Variants in CAST observed in about 807,000 individuals in gnomAD.
CAST encodes the protein calpastatin.
Under a neutral mutation model 119.6 loss-of-function variants are expected in CAST, and 76 were observed. That is an observed-to-expected ratio of 0.64 (90% CI 0.53 to 0.77). CAST has a LOEUF of 0.77. CAST is among the 30% of genes least tolerant of loss of function. The pLI is 0.00. For synonymous variants in CAST, 319 were observed against 331.6 expected (o/e 0.96, Z 0.41); for missense variants, 953 against 946.5 (o/e 1.01, Z -0.09).
chr5:96,021,738 G>T, the CAST span, among the ~76,000 whole-genome samples: 1 of 152,030 alleles, frequency 6.6e-6, no homozygotes, highest in Non-Finnish European at 1.5e-5. Flanking sequence ...GAGCCACTGC[G>T]CCTGGCTGAT....
Position 96,561,796 on chromosome 5 carries a change from G to GTTTTTTTTTTTTTTT in CAST, c.60+31930_60+31931insTTTTTTTTTTTTTTT, listed in dbSNP as rs11375615. On this transcript the variant is annotated intron_variant, in intron 1 of 11. Coordinates refer to the CAST transcript ENST00000505143. Reference sequence around the variant, plus strand: ...GTGTATTATATATATGTTTTTTTTTGTTTTTTTTTTTTTTGAGACGGAGTC... The same window carrying GTTTTTTTTTTTTTTT: ...GTGTATTATATATATGTTTTTTTTTGTTTTTTTTTTTTTTTTTTTTTTTTTTTTTGAGACGGAGTC... Among the ~76,000 whole-genome samples the GTTTTTTTTTTTTTTT allele has an allele frequency of 5.4e-4, 53 of 97,398 alleles. 6 individuals are homozygous for GTTTTTTTTTTTTTTT. Among genetic ancestry groups the GTTTTTTTTTTTTTTT allele is most frequent in the South Asian group, 2.6e-3 (6 of 2,336 alleles). The allele number at this position is 97,398 out of a possible 152,430, so 63.9% of individuals were successfully genotyped here.
the CAST span, chr5:96,410,824 A>T: frequency 6.2e-7 from 1 of 1,614,006 alleles, no homozygotes; most frequent in South Asian, 1.1e-5. Context: ...GCCAGTGTGG[A>T]GGAGCACTTC....
chr5:96,095,427 G>A, the CAST span, among the ~76,000 whole-genome samples: 24 of 151,608 alleles, frequency 1.6e-4, no homozygotes, highest in Middle Eastern at 3.4e-3. Context: ...AAAACAATTA[G>A]CCAGGTGCCT....
At chr5:96,550,980 T>C (rs1746115560) in intron 1 of CAST, among the ~76,000 whole-genome samples, 1 of 152,176 alleles carries the variant, frequency 6.6e-6, no homozygotes, top group Admixed American at 6.5e-5. Context: ...GGAACCAAGT[T>C]AGAAAACACT....
the CAST span, among the ~76,000 whole-genome samples, chr5:96,257,380 T>G: frequency 6.6e-6 from 1 of 152,208 alleles, no homozygotes; most frequent in African/African-American, 2.4e-5. Flanking sequence ...TTAGCAAGGT[T>G]AAACATCCAT....
At chr5:95,979,166 A>G in the CAST span, among the ~76,000 whole-genome samples, 1 of 152,208 alleles carries the variant, frequency 6.6e-6, no homozygotes, top group Middle Eastern at 3.2e-3. Flanking sequence ...AGAGAAATAG[A>G]AAAAAGAAAA....
the CAST span, among the ~76,000 whole-genome samples, chr5:96,064,580 C>T: frequency 6.6e-6 from 1 of 152,062 alleles, no homozygotes; most frequent in Non-Finnish European, 1.5e-5. Flanking sequence ...TAAACCCTGA[C>T]CATGAGGATA....
chr5:96,125,847 C>T, the CAST span, among the ~76,000 whole-genome samples: 44 of 152,152 alleles, frequency 2.9e-4, no homozygotes, highest in Admixed American at 7.2e-4. Context: ...CTTTCCAAAC[C>T]GGCAGTGGTG....
At chr5:96,069,383 CTA>C in the CAST span, among the ~76,000 whole-genome samples, 3 of 44,754 alleles carry the variant, frequency 6.7e-5, no homozygotes, top group South Asian at 1.7e-3. Flanking sequence ...GTGTGTGTGT[CTA>C]TGTGTGTGTG....
the CAST span, among the ~76,000 whole-genome samples, chr5:96,486,641 TC>T: frequency 1.3e-5 from 2 of 152,194 alleles, no homozygotes; most frequent in South Asian, 4.1e-4. Flanking sequence ...CATCAGCATT[TC>T]TACCAAAGCA....
rs941457738 is a variant in CAST, at chr5:96,761,389, C to T, written c.1834-885C>T. On this transcript the variant is annotated intron_variant, in intron 24 of 31. Transcript: ENST00000675179. The stretch of plus-strand genomic sequence containing the variant: ...TTACCTAAAATATTACATTCTAAAA[C>T]GGCTTTACAGGGTATAAATGGACAA... 7 of 152,166 alleles carry T rather than the reference C, an allele frequency of 4.6e-5. No homozygotes were observed. In the East Asian group the frequency reaches 5.7e-4, roughly 12 times the overall value. 9.4% of individuals were successfully genotyped at this position (152,166 alleles called of 1,614,324 possible).
At chr5:96,533,569 T>C (rs1343285779) in intron 1 of CAST, among the ~76,000 whole-genome samples, 4 of 152,164 alleles carry the variant, frequency 2.6e-5, no homozygotes, top group Admixed American at 2.0e-4. Context: ...CCAAAACTGC[T>C]GACACTTAGA....
At chr5:95,976,082 C>G in the CAST span, among the ~76,000 whole-genome samples, 1 of 151,864 alleles carries the variant, frequency 6.6e-6, no homozygotes, top group African/African-American at 2.4e-5. Context: ...GAGAGTCCTC[C>G]CCCTCTAATT....
intron 1 of CAST, among the ~76,000 whole-genome samples, chr5:96,627,619 A>G (rs1486797221): frequency 6.6e-6 from 1 of 152,230 alleles, no homozygotes; most frequent in African/African-American, 2.4e-5. Flanking sequence ...CAATTTTCTT[A>G]AGAGGAGAAT....
the CAST span, among the ~76,000 whole-genome samples, chr5:96,172,369 C>T: frequency 2.6e-5 from 4 of 152,178 alleles, no homozygotes; most frequent in Admixed American, 2.0e-4. Flanking sequence ...TGGATGTATA[C>T]GTGCAGGTCA....
At chr5:96,469,859 G>GTA in the CAST span, among the ~76,000 whole-genome samples, 1 of 109,520 alleles carries the variant, frequency 9.1e-6, no homozygotes, top group Non-Finnish European at 1.9e-5. Context: ...ATATATATAT[G>GTA]TGTGTGTATA....
chr5:96,764,449 AG>A (rs1318186651), intron 25 of CAST, among the ~76,000 whole-genome samples: 1 of 152,188 alleles, frequency 6.6e-6, no homozygotes, highest in East Asian at 1.9e-4. Flanking sequence ...CTAGAATACC[AG>A]CTCCCATTTC....
chr5:96,544,823 A>G (rs1262482976), intron 1 of CAST, among the ~76,000 whole-genome samples: 1 of 93,988 alleles, frequency 1.1e-5, no homozygotes, highest in Non-Finnish European at 2.2e-5. Flanking sequence ...AGAGTTTAGG[A>G]GTGGATAAAA....
intron 2 of CAST, among the ~76,000 whole-genome samples, chr5:96,691,584 G>A (rs1752735610): frequency 6.6e-6 from 1 of 152,292 alleles, no homozygotes; most frequent in Middle Eastern, 3.4e-3. Context: ...CAAGGACTTT[G>A]GGCCTCTCCC....
Sources: allele counts gnomAD v4.1 joint callset (sites outside exome capture counted in the v4.1 genomes callset), GRCh38; gene constraint gnomAD v4.1.1; transcripts MANE v1.5; gene names NCBI Gene and HGNC (gene_info 2026-07-23, HGNC 2026-07-21).